Variants in CADPS observed in about 807,000 individuals in gnomAD.
CADPS encodes the protein calcium dependent secretion activator.
In CADPS, 57 loss-of-function variants were observed where a neutral mutation model predicts 167.3. The ratio of observed to expected loss-of-function variants is 0.34; its 90% CI spans 0.28 to 0.42. The LOEUF is 0.42. Ranked by LOEUF, CADPS falls within the 20% of genes least tolerant of loss-of-function variation. CADPS has a pLI of 1.00. For synonymous variants in CADPS, 676 were observed against 635.3 expected (o/e 1.06, Z -0.96); for missense variants, 1,414 against 1,738.1 (o/e 0.81, Z 3.32).
At chr3:62,754,333 CTATTTATT>C (rs532740788) in intron 2 of CADPS, among the ~76,000 whole-genome samples, 2 of 151,842 alleles carry the variant, frequency 1.3e-5, no homozygotes, top group African/African-American at 2.4e-5. Flanking sequence ...CCACACCTGG[CTATTTATT>C]TATTTATTTA....
At chr3:62,861,797 A>G (rs1420824688) in intron 1 of CADPS, among the ~76,000 whole-genome samples, 2 of 152,070 alleles carry the variant, frequency 1.3e-5, no homozygotes, top group Non-Finnish European at 1.5e-5. Flanking sequence ...CTTTGTTCTT[A>G]TTTTCTATCC....
intron 14 of CADPS, 21 bp downstream of exon 14, chr3:62,518,128 T>C (rs764313180): frequency 6.4e-7 from 1 of 1,554,848 alleles, no homozygotes; most frequent in Admixed American, 1.7e-5. Context: ...TAATTAAAGC[T>C]CTCCAGCCCC....
intron 1 of CADPS, among the ~76,000 whole-genome samples, chr3:62,826,877 G>A (rs557392046): frequency 6.6e-5 from 10 of 152,312 alleles, no homozygotes; most frequent in Admixed American, 2.6e-4. Context: ...GGGGTGGACA[G>A]GTTGTGGGGA....
intron 16 of CADPS, chr3:62,513,718 G>A: frequency 6.4e-7 from 1 of 1,565,610 alleles, no homozygotes; most frequent in Non-Finnish European, 8.7e-7. Context: ...TATAAAAGAG[G>A]ATTTGGGCAT....
chr3:62,513,212 T>A lies in CADPS; in HGVS notation c.2582-444A>T, dbSNP rs529852018. 2.6e-5 allele frequency among the ~76,000 whole-genome samples: 4 copies of A among 152,140 alleles called. No homozygotes were observed. In the South Asian group the frequency reaches 6.2e-4, roughly 24 times the overall value. ...TGGTGTGGTCTCATACCCATAATAG[T>A]TTGGCATCTTAAACATGGAAAAGAA... On this transcript the variant is annotated intron_variant, in intron 16 of 29. Coordinates refer to ENST00000383710, the MANE Select transcript of CADPS (RefSeq NM_003716.4).
At chr3:62,666,695 A>T (rs2074472330) in intron 3 of CADPS, among the ~76,000 whole-genome samples, 1 of 152,186 alleles carries the variant, frequency 6.6e-6, no homozygotes, top group South Asian at 2.1e-4. Flanking sequence ...AGTGATGGAG[A>T]ACTAAGCCCA....
chr3:62,418,324 C>CTTTTTTTTTTTTTTTTT (rs1227861106), intron 28 of CADPS, among the ~76,000 whole-genome samples: 1 of 115,084 alleles, frequency 8.7e-6, no homozygotes. Flanking sequence ...TTTTTTCTCT[C>CTTTTTTTTTTTTTTTTT]TTTTTTTTTT....
At chr3:62,733,999 G>A (rs2078471851) in intron 3 of CADPS, among the ~76,000 whole-genome samples, 1 of 152,140 alleles carries the variant, frequency 6.6e-6, no homozygotes, top group Non-Finnish European at 1.5e-5. Context: ...AGTATTCCAT[G>A]GTGTATATGT....
chr3:62,609,097 A>G (rs1349313738), intron 6 of CADPS, among the ~76,000 whole-genome samples: 2 of 152,212 alleles, frequency 1.3e-5, no homozygotes, highest in African/African-American at 2.4e-5. Flanking sequence ...TTTTCTTTCA[A>G]TGCATTTGAC....
intron 6 of CADPS, among the ~76,000 whole-genome samples, chr3:62,610,860 C>T (rs112794759): frequency 6.6e-5 from 10 of 151,390 alleles, no homozygotes; most frequent in African/African-American, 2.4e-4. Flanking sequence ...TTTCTGTCTA[C>T]ACCAATGGTT....
At chr3:62,588,297 C>CT (rs34533495) in intron 7 of CADPS, among the ~76,000 whole-genome samples, 4,089 of 139,780 alleles carry the variant, frequency 0.029, 124 homozygotes, top group South Asian at 0.042. Context: ...CCAGGTCTTT[C>CT]TTTTTTTTTT....
At chr3:62,861,291 A>G (rs903784761) in intron 1 of CADPS, among the ~76,000 whole-genome samples, 22 of 152,320 alleles carry the variant, frequency 1.4e-4, no homozygotes, top group African/African-American at 5.3e-4. Flanking sequence ...AATATCGGTC[A>G]CTGAAATTAA....
chr3:62,840,158 C>A (rs1281956287), intron 1 of CADPS, among the ~76,000 whole-genome samples: 2 of 152,138 alleles, frequency 1.3e-5, no homozygotes, highest in Non-Finnish European at 2.9e-5. Flanking sequence ...ACAGTATGGG[C>A]CTCGCAAGTT....
At chr3:62,594,173 A>T (rs833640) in intron 6 of CADPS, among the ~76,000 whole-genome samples, 110,915 of 146,198 alleles carry the variant, frequency 0.76, 42,417 homozygotes, top group Non-Finnish European at 0.81. Flanking sequence ...TTATTTATTT[A>T]TTTTTTGAGA....
chr3:62,535,094 G>C (rs1466353873), intron 12 of CADPS, among the ~76,000 whole-genome samples: 50 of 151,862 alleles, frequency 3.3e-4, no homozygotes, highest in Non-Finnish European at 1.6e-4. Flanking sequence ...TATATAAAAG[G>C]GAATGATTTA....
At chr3:62,763,983 A>G (rs959271745) in intron 2 of CADPS, among the ~76,000 whole-genome samples, 10 of 152,210 alleles carry the variant, frequency 6.6e-5, no homozygotes, top group African/African-American at 2.4e-4. Flanking sequence ...ACTCATTAGC[A>G]CCTTGATGAC....
chr3:62,481,757 C>A lies in CADPS; in HGVS notation c.3139G>T (p.Ala1047Ser). ...LGIPQMPTFS[A>S]PSWMAAIYDA... Reference sequence around the variant, plus strand: ...TATATAGCAGCCATCCATGACGGTGCCGAAAAAGTAGGCATTTGTGGGATG... The same window carrying A: ...TATATAGCAGCCATCCATGACGGTGACGAAAAAGTAGGCATTTGTGGGATG... The change falls in exon 22 of 30, where the codon GCA becomes TCA. Residue 1047 changes from alanine to serine, a missense_variant. Around this residue, in one of 6 missense-constraint regions of CADPS, gnomAD observed 529 missense variants for 629.6 expected, o/e 0.84. Coordinates refer to ENST00000383710, the MANE Select transcript of CADPS (RefSeq NM_003716.4). The A allele has an allele frequency of 1.2e-6, 2 of 1,608,392 alleles. No individual in the cohort carries two copies. Among genetic ancestry groups the A allele is most frequent in the Non-Finnish European group, 1.7e-6 (2 of 1,178,196 alleles).
At chr3:62,844,931 G>C (rs1244414673) in intron 1 of CADPS, among the ~76,000 whole-genome samples, 1 of 152,136 alleles carries the variant, frequency 6.6e-6, no homozygotes, top group Non-Finnish European at 1.5e-5. Flanking sequence ...TAGACCACAG[G>C]GTCTTCAAGA....
At chr3:62,510,175 C>T (rs912269562) in intron 17 of CADPS, among the ~76,000 whole-genome samples, 2 of 120,720 alleles carry the variant, frequency 1.7e-5, no homozygotes, top group Non-Finnish European at 3.6e-5. Flanking sequence ...CCTTTCCTCC[C>T]ACCTACCTAT....
Sources: gnomAD v4.1 joint callset for allele counts (sites outside exome capture counted in the v4.1 genomes callset) on GRCh38, gnomAD v4.1.1 for gene constraint, gnomAD v4.1.1 regional missense constraint, MANE v1.5 for transcripts, NCBI Gene and HGNC (gene_info 2026-07-23, HGNC 2026-07-21) for gene names.